COBL: variants seen among roughly 807,000 people sequenced by gnomAD.
COBL encodes cordon-bleu WH2 repeat protein.
COBL carries 51 observed loss-of-function variants against 98.8 expected under a neutral mutation model. The ratio of observed to expected loss-of-function variants is 0.52; its 90% CI spans 0.41 to 0.65. The LOEUF (loss-of-function observed/expected upper bound fraction) is 0.65. Among genes scored for constraint, COBL ranks in the 30% least tolerant of loss-of-function variants. The pLI, the probability that COBL is intolerant of heterozygous loss-of-function variation, is 0.00. For synonymous variants in COBL, 634 were observed against 651.7 expected (o/e 0.97, Z 0.41); for missense variants, 1,617 against 1,617.5 (o/e 1.00, Z 0.01).
At chr7:51,157,187 A>T (rs1373215358) in intron 5 of COBL, among the ~76,000 whole-genome samples, 2 of 152,200 alleles carry the variant, frequency 1.3e-5, no homozygotes, top group African/African-American at 4.8e-5. Context: ...CCTGGCCAAC[A>T]TGGTGAAACC....
chr7:51,264,420 T>C (rs1437355310), intron 1 of COBL, among the ~76,000 whole-genome samples: 1 of 152,068 alleles, frequency 6.6e-6, no homozygotes, highest in Non-Finnish European at 1.5e-5. Context: ...CCTGTAATCC[T>C]ACCAATTTGG....
intron 7 of COBL, among the ~76,000 whole-genome samples, chr7:51,045,790 G>A (rs1211578105): frequency 6.6e-6 from 1 of 152,112 alleles, no homozygotes; most frequent in Non-Finnish European, 1.5e-5. Context: ...ATATTCCTCA[G>A]AAGTTTTGAG....
At chr7:51,304,653 A>G (rs1250494364) in intron 1 of COBL, among the ~76,000 whole-genome samples, 2 of 152,230 alleles carry the variant, frequency 1.3e-5, no homozygotes, top group African/African-American at 2.4e-5. Flanking sequence ...TTTCACATCT[A>G]TTATATGTTC....
At chr7:51,148,055 C>T (rs1224170942) in intron 5 of COBL, among the ~76,000 whole-genome samples, 2 of 152,162 alleles carry the variant, frequency 1.3e-5, no homozygotes, top group African/African-American at 2.4e-5. Flanking sequence ...AGCCACCACA[C>T]CCAGCCACAT....
At chr7:51,244,931 A>AT (rs1171350209) in intron 1 of COBL, among the ~76,000 whole-genome samples, 1 of 151,930 alleles carries the variant, frequency 6.6e-6, no homozygotes, top group Admixed American at 6.6e-5. Flanking sequence ...GGCTTCACCC[A>AT]TTTTTTTCTC....
At chr7:51,143,834 A>C (rs534765650) in intron 5 of COBL, among the ~76,000 whole-genome samples, 184 of 152,308 alleles carry the variant, frequency 1.2e-3, no homozygotes, top group African/African-American at 4.2e-3. Flanking sequence ...AAGAAGCAGG[A>C]AAAGTAGCTG....
intron 1 of COBL, chr7:51,259,545 A>G (rs748649743): frequency 1.4e-6 from 1 of 698,840 alleles, no homozygotes; most frequent in Non-Finnish European, 2.6e-6. Context: ...TGAGAAGTGG[A>G]AAGGGCGCAA....
chr7:51,120,367 C>A (rs1392421091), intron 6 of COBL, among the ~76,000 whole-genome samples: 5 of 152,020 alleles, frequency 3.3e-5, no homozygotes, highest in Non-Finnish European at 7.4e-5. Context: ...AAATATAACA[C>A]ACGTAAGGCA....
chr7:51,133,874 G>A (rs1016203539), intron 6 of COBL, among the ~76,000 whole-genome samples: 4 of 152,200 alleles, frequency 2.6e-5, no homozygotes, highest in African/African-American at 7.2e-5. Flanking sequence ...ATTTTCAGAT[G>A]AACTGGAGGA....
chr7:51,191,948 AT>A (rs1390538962), intron 3 of COBL, among the ~76,000 whole-genome samples: 1 of 152,198 alleles, frequency 6.6e-6, no homozygotes, highest in Non-Finnish European at 1.5e-5. Context: ...ATAACAATGC[AT>A]TTTGGGAGAA....
intron 7 of COBL, among the ~76,000 whole-genome samples, chr7:51,079,948 G>A (rs1373053145): frequency 1.3e-5 from 2 of 152,256 alleles, no homozygotes; most frequent in Non-Finnish European, 1.5e-5. Context: ...CCAGGTAAAT[G>A]TGGTTTTCAT....
At chr7:51,163,875 T>C (rs931786496) in intron 5 of COBL, among the ~76,000 whole-genome samples, 1 of 152,220 alleles carries the variant, frequency 6.6e-6, no homozygotes, top group East Asian at 1.9e-4. Flanking sequence ...CTAGGATTTC[T>C]GTGTCAAAAA....
Position 51,316,702 on chromosome 7 carries a change from C to G in COBL, c.-69G>C, listed in dbSNP as rs940460866. On this transcript the variant is annotated 5_prime_UTR_variant, in exon 1 of 13. Transcript: ENST00000265136. ...GTCAGGCGCTGGCTACCGCCGCCAC[C>G]GCTGCCGCCCTCATTCACTTTTTCC... 3.8e-5 allele frequency: 42 copies of G among 1,103,008 alleles called. No individual in the cohort carries two copies. The South Asian group carries it at 1.4e-3, about 36-fold the overall frequency. 68.3% of individuals were successfully genotyped at this position (1,103,008 alleles called of 1,614,324 possible).
intron 1 of COBL, among the ~76,000 whole-genome samples, chr7:51,246,553 G>A (rs1463415414): frequency 1.3e-5 from 2 of 152,220 alleles, no homozygotes. Context: ...CCCCCGTGAG[G>A]TGGAGAGAGA....
At chr7:51,018,899 A>T (rs1786578739) in intron 12 of COBL, among the ~76,000 whole-genome samples, 2 of 54,184 alleles carry the variant, frequency 3.7e-5, no homozygotes, top group Admixed American at 1.8e-4. Flanking sequence ...CTCAAAAAAA[A>T]AAAAAAATAT....
At chr7:51,185,800 T>C (rs550438155) in intron 4 of COBL, among the ~76,000 whole-genome samples, 26 of 152,210 alleles carry the variant, frequency 1.7e-4, no homozygotes, top group Non-Finnish European at 3.2e-4. Flanking sequence ...ACATTTGAGT[T>C]AGAGAACACA....
At chr7:51,157,793 C>T (rs1295439209) in intron 5 of COBL, among the ~76,000 whole-genome samples, 1 of 152,140 alleles carries the variant, frequency 6.6e-6, no homozygotes, top group Non-Finnish European at 1.5e-5. Flanking sequence ...AAACGGTAGA[C>T]TTTAAATGTT....
chr7:51,212,754 A>C (rs939175742), intron 2 of COBL, among the ~76,000 whole-genome samples: 18 of 152,204 alleles, frequency 1.2e-4, no homozygotes, highest in African/African-American at 4.1e-4. Context: ...TGCAAACTTT[A>C]ACACGCAATC....
chr7:51,082,271 A>G (rs1165815245), intron 7 of COBL, among the ~76,000 whole-genome samples: 4 of 152,202 alleles, frequency 2.6e-5, no homozygotes, highest in African/African-American at 9.6e-5. Context: ...CCGTGTACAC[A>G]GCCCAGGATG....
Sources: allele counts gnomAD v4.1 joint callset (sites outside exome capture counted in the v4.1 genomes callset), GRCh38; gene constraint gnomAD v4.1.1; transcripts MANE v1.5; gene names NCBI Gene and HGNC (gene_info 2026-07-23, HGNC 2026-07-21).